The following KLHL24 variants were observed in gnomAD, a reference collection of about 807,000 sequenced individuals.
KLHL24 encodes the protein kelch like family member 24.
KLHL24 carries 29 observed loss-of-function variants against 53.4 expected under a neutral mutation model. That is an observed-to-expected ratio of 0.54 (90% CI 0.40 to 0.74). KLHL24 has a LOEUF of 0.74. Ranked by LOEUF, KLHL24 falls within the 30% of genes least tolerant of loss-of-function variation. The pLI is 0.00. For synonymous variants in KLHL24, 222 were observed against 253.7 expected (o/e 0.88, Z 1.19); for missense variants, 504 against 744.0 (o/e 0.68, Z 3.75).
rs1474572716 is a variant in KLHL24 at position 183,683,079 on chromosome 3, G to T, written c.*3793G>T. 6.6e-6 allele frequency: 1 copy of T among 152,248 alleles called. No homozygotes were observed. The highest frequency in any genetic ancestry group is 1.5e-5 in the Non-Finnish European group (1 of 68,172). 9.4% of individuals were successfully genotyped at this position (152,248 alleles called of 1,614,324 possible). A position where few individuals can be genotyped will look rare whatever the true frequency, so the allele number is the denominator to read the frequency against. ...CTGCCTCAGCCTCCCGAGTAGCTGA[G>T]ACCACAGGTGCGTGCCACCACACCC... On this transcript the variant is annotated 3_prime_UTR_variant, in exon 8 of 8. Transcript: ENST00000242810.
At chr3:183,671,520 CTA>C (rs879823760) in intron 6 of KLHL24, among the ~76,000 whole-genome samples, 9 of 152,284 alleles carry the variant, frequency 5.9e-5, no homozygotes, top group Non-Finnish European at 1.2e-4. Flanking sequence ...AATCTAAAAA[CTA>C]TTTATACAAA....
rs1309398401 is a variant in KLHL24, at chr3:183,681,493, A to G, written c.*2207A>G. The G allele has an allele frequency of 2.0e-5, 3 of 152,154 alleles. No homozygotes were observed. The highest frequency in any genetic ancestry group is 1.5e-5 in the Non-Finnish European group (1 of 67,794). The allele number at this position is 152,154 out of a possible 1,614,324, so 9.4% of individuals were successfully genotyped here. On this transcript the variant is annotated 3_prime_UTR_variant, in exon 8 of 8. Transcript: ENST00000242810. ...TTATTTTAATATCCATGTGTTTATT[A>G]TAGTAAATTTGAAATGAAATCCTGA...
intron 4 of KLHL24, chr3:183,664,083 T>G (rs1720187127): frequency 6.6e-6 from 1 of 151,926 alleles, no homozygotes; most frequent in Admixed American, 6.6e-5. Context: ...AAAGCAAGAC[T>G]CCGCCTCAAA....
chr3:183,650,905 C>T lies in KLHL24; in HGVS notation c.549C>T (p.Leu183=). 6.2e-7 allele frequency: 1 copy of T among 1,614,182 alleles called. No homozygotes were observed. Among genetic ancestry groups the T allele is most frequent in the Non-Finnish European group, 8.5e-7 (1 of 1,180,036 alleles). The change falls in exon 3 of 8, where the codon CTC becomes CTT. Residue 183 remains leucine, a synonymous_variant. Coordinates refer to ENST00000242810, the MANE Select transcript of KLHL24 (RefSeq NM_017644.3). This position sits in a 1 kb window ranked among gnomAD's most constrained non-coding sequence, Gnocchi z 4.5. ...CTGATACCCATTCACTCAAAACACT[C>T]TTCACAAAATGCAAAAATTTTGCGT... The part of the protein sequence containing the change: ...RFADTHSLKT[L]FTKCKNFALQ...
chr3:183,656,993 TA>T (rs1362592423), intron 3 of KLHL24, among the ~76,000 whole-genome samples: 1 of 152,204 alleles, frequency 6.6e-6, no homozygotes, highest in Non-Finnish European at 1.5e-5. Context: ...GCCCCTGCTT[TA>T]CTCCAAATAC....
chr3:183,650,409 A>G lies in KLHL24; in HGVS notation c.53A>G (p.Asp18Gly). ...AACAGAGAGGATCTTGGGGTGCGTG[A>G]TTCCCCAGCAACTAAGCGAAAAGTT... ...RLNREDLGVR[D>G]SPATKRKVFE... The change falls in exon 3 of 8, where the codon GAT becomes GGT. Residue 18 changes from aspartate to glycine, a missense_variant. Asp to Gly is a moderately conservative substitution (Grantham distance 94). Transcript: ENST00000242810. The surrounding 1 kb of genome is among the most constrained non-coding windows in gnomAD (Gnocchi z 4.5). 6.2e-7 allele frequency: 1 copy of G among 1,614,170 alleles called. No individual in the cohort carries two copies. Among genetic ancestry groups the G allele is most frequent in the Non-Finnish European group, 8.5e-7 (1 of 1,180,008 alleles).
At position 183,650,900 on chromosome 3, in the gene KLHL24, A is replaced by G. The variant is rs1718022697; in HGVS notation, c.544A>G (p.Thr182Ala). The stretch of plus-strand genomic sequence containing the variant: ...CTTTGCTGATACCCATTCACTCAAA[A>G]CACTCTTCACAAAATGCAAAAATTT... The part of the protein sequence containing the change: ...QRFADTHSLK[T>A]LFTKCKNFAL... Residue 182 changes from threonine to alanine, a missense_variant, in exon 3 of 8, where the codon ACA (threonine) becomes GCA (alanine). Physicochemically the swap from Thr to Ala is moderately conservative, Grantham distance 58. Coordinates refer to ENST00000242810, the MANE Select transcript of KLHL24 (RefSeq NM_017644.3). The surrounding 1 kb of genome is among the most constrained non-coding windows in gnomAD (Gnocchi z 4.5). 1 of 1,614,074 alleles carries G rather than the reference A, an allele frequency of 6.2e-7. No homozygotes were observed. Among genetic ancestry groups the G allele is most frequent in the Admixed American group, 1.7e-5 (1 of 60,010 alleles).
chr3:183,662,416 GAGA>G (rs993072989), intron 3 of KLHL24, among the ~76,000 whole-genome samples: 1 of 152,160 alleles, frequency 6.6e-6, no homozygotes, highest in South Asian at 2.1e-4. Flanking sequence ...CTATAAGTAA[GAGA>G]AGAAGGATTG....
intron 2 of KLHL24, among the ~76,000 whole-genome samples, chr3:183,644,900 C>T (rs1338339516): frequency 6.6e-6 from 1 of 152,124 alleles, no homozygotes; most frequent in East Asian, 1.9e-4. Context: ...GTATTCTGAA[C>T]AAATTTTCAT....
chr3:183,669,935 T>C (rs2108869645), intron 5 of KLHL24, among the ~76,000 whole-genome samples: 1 of 152,190 alleles, frequency 6.6e-6, no homozygotes, highest in South Asian at 2.1e-4. Flanking sequence ...GAAGAGTTAA[T>C]GATGACAGTC....
chr3:183,644,245 C>T (rs914380838), intron 2 of KLHL24: 1 of 151,810 alleles, frequency 6.6e-6, no homozygotes, highest in African/African-American at 2.4e-5. Flanking sequence ...CTTTGTATTA[C>T]TTTATTGTAT....
chr3:183,668,877 A>T (rs532534087), intron 5 of KLHL24, among the ~76,000 whole-genome samples: 1 of 152,088 alleles, frequency 6.6e-6, no homozygotes, highest in Admixed American at 6.5e-5. Context: ...CAGCCCGGTG[A>T]CAGAGTGAGA....
chr3:183,647,639 A>C (rs1407582064), intron 2 of KLHL24, among the ~76,000 whole-genome samples: 1 of 152,158 alleles, frequency 6.6e-6, no homozygotes, highest in African/African-American at 2.4e-5. Flanking sequence ...TGAGCCTGGG[A>C]GGTGGAGGTT....
At chr3:183,656,935 G>C (rs1485670494) in intron 3 of KLHL24, among the ~76,000 whole-genome samples, 3 of 149,902 alleles carry the variant, frequency 2.0e-5, no homozygotes, top group African/African-American at 7.4e-5. Context: ...AAAAAAATAA[G>C]CGTAACAATC....
At chr3:183,645,614 T>G (rs1717114399) in intron 2 of KLHL24, among the ~76,000 whole-genome samples, 1 of 152,186 alleles carries the variant, frequency 6.6e-6, no homozygotes, top group Admixed American at 6.5e-5. Context: ...TGATAATAAA[T>G]TTTAAAACTA....
At chr3:183,654,197 C>A (rs1380952798) in intron 3 of KLHL24, among the ~76,000 whole-genome samples, 1 of 152,134 alleles carries the variant, frequency 6.6e-6, no homozygotes, top group Admixed American at 6.6e-5. Flanking sequence ...TCTTGAAATA[C>A]CTCCATTGGC....
chr3:183,674,291 CT>C (rs1392440184), intron 7 of KLHL24, among the ~76,000 whole-genome samples: 1 of 149,098 alleles, frequency 6.7e-6, no homozygotes, highest in Non-Finnish European at 1.5e-5. Context: ...TTCTTTCTTT[CT>C]TTCTTTCTTT....
rs1427310962 is a variant in KLHL24, at chr3:183,681,735, TAG to T, written c.*2450_*2451del. On this transcript the variant is annotated 3_prime_UTR_variant, in exon 8 of 8. Coordinates refer to ENST00000242810, the MANE Select transcript of KLHL24 (RefSeq NM_017644.3). ...TCCTTTACTAATTCTTGATAAATAA[TAG>T]CATTAGACTTGATAAAATAAAAAAG... The T allele has an allele frequency of 1.3e-5, 2 of 152,418 alleles. No individual in the cohort carries two copies. Among genetic ancestry groups the T allele is most frequent in the Admixed American group, 1.3e-4 (2 of 15,266 alleles). The allele number at this position is 152,418 out of a possible 1,614,324, so 9.4% of individuals were successfully genotyped here.
intron 1 of KLHL24, among the ~76,000 whole-genome samples, chr3:183,638,448 T>G (rs1261978150): frequency 7.2e-5 from 5 of 69,028 alleles, no homozygotes; most frequent in Non-Finnish European, 1.1e-4. Flanking sequence ...TATTTTTGTC[T>G]ATTTGACAAA....
Sources: allele counts gnomAD v4.1 joint callset (sites outside exome capture counted in the v4.1 genomes callset), GRCh38; gene constraint gnomAD v4.1.1; non-coding constraint Gnocchi (gnomAD v3.1); transcripts MANE v1.5; gene names NCBI Gene and HGNC (gene_info 2026-07-23, HGNC 2026-07-21).